PRKN: variants seen among roughly 807,000 people sequenced by gnomAD.
PRKN encodes parkin RBR E3 ubiquitin protein ligase.
PRKN carries 56 observed loss-of-function variants against 59.5 expected under a neutral mutation model. That is an observed-to-expected ratio of 0.94 (90% confidence interval 0.76 to 1.18). The LOEUF is 1.18. Among genes scored for constraint, PRKN ranks in the 50% most tolerant of loss-of-function variants. The pLI is 0.00. For missense variants in PRKN, 657 were observed against 596.4 expected, an observed-to-expected ratio of 1.10 and a Z score of -1.06; for synonymous variants, 250 against 222.1, an observed-to-expected ratio of 1.13 and a Z score of -1.12.
intron 4 of PRKN, among the ~76,000 whole-genome samples, chr6:162,182,796 T>C (rs1280562016): frequency 6.6e-6 from 1 of 152,196 alleles, no homozygotes; most frequent in African/African-American, 2.4e-5. Context: ...ATTGGCACCA[T>C]TTTTCCAACA....
chr6:161,805,446 A>G (rs1045847788), intron 6 of PRKN, among the ~76,000 whole-genome samples: 31 of 51,026 alleles, frequency 6.1e-4, no homozygotes, highest in Admixed American at 2.1e-3. Context: ...TCCTGAGTAC[A>G]CACATGCACA....
At chr6:162,201,380 G>A (rs2128330543) in intron 3 of PRKN, 128 bp from the exon 4 acceptor site, 1 of 809,234 alleles carries the variant, frequency 1.2e-6, no homozygotes, top group Non-Finnish European at 2.1e-6. Flanking sequence ...AACATTACTG[G>A]AATAAATATT....
At chr6:161,962,496 AAAG>A (rs1449044908) in intron 6 of PRKN, among the ~76,000 whole-genome samples, 29 of 152,024 alleles carry the variant, frequency 1.9e-4, no homozygotes, top group Admixed American at 1.7e-3. Context: ...AACTGTTAAC[AAAG>A]TTCTAGCAAG....
At chr6:161,962,943 G>A (rs920946930) in intron 6 of PRKN, among the ~76,000 whole-genome samples, 4 of 152,040 alleles carry the variant, frequency 2.6e-5, no homozygotes, top group South Asian at 2.1e-4. Context: ...TCAGGAGTTC[G>A]AGACAAGACT....
chr6:161,938,514 C>T (rs574532782), intron 6 of PRKN, among the ~76,000 whole-genome samples: 190 of 152,294 alleles, frequency 1.2e-3, no homozygotes, highest in African/African-American at 4.1e-3. Context: ...AACAGTCCTA[C>T]CACCACCATA....
chr6:161,907,804 G>A (rs1437961530), intron 6 of PRKN, among the ~76,000 whole-genome samples: 3 of 152,188 alleles, frequency 2.0e-5, no homozygotes, highest in African/African-American at 4.8e-5. Flanking sequence ...CCGGCGAGGC[G>A]CAGGGGCTTA....
At chr6:162,156,107 T>A (rs1032743348) in intron 4 of PRKN, among the ~76,000 whole-genome samples, 1 of 152,194 alleles carries the variant, frequency 6.6e-6, no homozygotes, top group African/African-American at 2.4e-5. Context: ...TTTACATCCC[T>A]ATGTACTGTA....
intron 7 of PRKN, among the ~76,000 whole-genome samples, chr6:161,746,841 T>A (rs1370595921): frequency 6.7e-6 from 1 of 149,318 alleles, no homozygotes; most frequent in African/African-American, 2.4e-5. Context: ...TATGTATATA[T>A]CTATATGTAT....
intron 1 of PRKN, among the ~76,000 whole-genome samples, chr6:162,717,048 G>A (rs184025137): frequency 6.6e-6 from 1 of 152,218 alleles, no homozygotes; most frequent in Non-Finnish European, 1.5e-5. Flanking sequence ...TGGAGACGAA[G>A]AGGCTATCCT....
At chr6:162,443,179 G>A (rs1790142109) in intron 2 of PRKN, 131 bp downstream of exon 2, 1 of 892,538 alleles carries the variant, frequency 1.1e-6, no homozygotes. Context: ...GCAGTGTGGA[G>A]TAAAGTTCAA....
intron 6 of PRKN, among the ~76,000 whole-genome samples, chr6:161,856,917 G>A (rs1385921949): frequency 1.3e-5 from 2 of 152,108 alleles, no homozygotes; most frequent in South Asian, 2.1e-4. Context: ...GCTAACATAA[G>A]CATTTGCTTA....
intron 6 of PRKN, among the ~76,000 whole-genome samples, chr6:161,887,038 GACAC>G (rs1795180751): frequency 6.6e-6 from 1 of 152,186 alleles, no homozygotes; most frequent in Non-Finnish European, 1.5e-5. Context: ...TTCCAGGTTT[GACAC>G]ACGTGTCAGC....
At chr6:161,996,843 A>AT (rs199726119) in intron 5 of PRKN, among the ~76,000 whole-genome samples, 42 of 150,202 alleles carry the variant, frequency 2.8e-4, no homozygotes, top group Middle Eastern at 6.9e-3. Flanking sequence ...AAAACGTTTT[A>AT]TTTTTTTTTT....
chr6:161,591,460 C>T (rs1034085080), intron 7 of PRKN, among the ~76,000 whole-genome samples: 14 of 152,170 alleles, frequency 9.2e-5, no homozygotes, highest in African/African-American at 2.9e-4. Context: ...CACAGGAGGG[C>T]TCCCCGGCTA....
chr6:162,058,061 T>G (rs1777937827), intron 4 of PRKN, among the ~76,000 whole-genome samples: 1 of 152,244 alleles, frequency 6.6e-6, no homozygotes, highest in African/African-American at 2.4e-5. Flanking sequence ...TAGGTTGTGA[T>G]TTGTTCTACC....
At chr6:162,250,304 G>A (rs1209788539) in intron 3 of PRKN, among the ~76,000 whole-genome samples, 3 of 152,130 alleles carry the variant, frequency 2.0e-5, no homozygotes, top group African/African-American at 7.2e-5. Context: ...GCAGGGAGCT[G>A]TACCACTTTG....
chr6:161,866,824 A>T (rs1469859899), intron 6 of PRKN, among the ~76,000 whole-genome samples: 1 of 152,122 alleles, frequency 6.6e-6, no homozygotes, highest in Non-Finnish European at 1.5e-5. Context: ...GACAGGGAGG[A>T]GCTGGTGGAA....
At chr6:161,932,128 T>A (rs1007287745) in intron 6 of PRKN, among the ~76,000 whole-genome samples, 1 of 151,968 alleles carries the variant, frequency 6.6e-6, no homozygotes, top group Non-Finnish European at 1.5e-5. Context: ...TATAAAAAAT[T>A]CAGAAATATT....
At chr6:161,751,369 A>G (rs1788685577) in intron 7 of PRKN, among the ~76,000 whole-genome samples, 1 of 152,174 alleles carries the variant, frequency 6.6e-6, no homozygotes, top group South Asian at 2.1e-4. Context: ...AGCTTGGTAC[A>G]CTCAGCGCCT....
Sources: allele counts gnomAD v4.1 joint callset (sites outside exome capture counted in the v4.1 genomes callset), GRCh38; gene constraint gnomAD v4.1.1; transcripts MANE v1.5; gene names NCBI Gene and HGNC (gene_info 2026-07-23, HGNC 2026-07-21).